ELMOD2: variants seen among roughly 807,000 people sequenced by gnomAD.
ELMOD2 encodes the protein ELMO domain containing 2.
In ELMOD2, 28 loss-of-function variants were observed where a neutral mutation model predicts 41.0. The observed-to-expected ratio is 0.68, with a 90% CI of 0.51 to 0.94. The LOEUF (loss-of-function observed/expected upper bound fraction) is 0.94. Among genes scored for constraint, ELMOD2 ranks in the 40% least tolerant of loss-of-function variants. The probability of loss-of-function intolerance (pLI) is 0.00; values close to 1 mark genes in which losing one functional copy is unlikely to be tolerated. For synonymous variants in ELMOD2, 106 were observed against 107.2 expected (o/e 0.99, Z 0.07); for missense variants, 333 against 343.1 (o/e 0.97, Z 0.23).
chr4:140,525,431 GTTTA>G lies in ELMOD2; in HGVS notation c.7_10del (p.Ile3LeufsTer15), dbSNP rs773251277. 2.5e-6 allele frequency: 4 copies of G among 1,612,530 alleles called. No homozygotes were observed. The highest frequency in any genetic ancestry group is 3.4e-6 in the Non-Finnish European group (4 of 1,179,548). The stretch of plus-strand genomic sequence containing the variant: ...TTTCCCTCCTCCAGGAAAAAAAAAT[GTTTA>G]TTTCTTTGTGGGAGTTCTTCTATGG... On this transcript the variant is annotated frameshift_variant, in exon 2 of 9. Coordinates refer to ENST00000323570, the MANE Select transcript of ELMOD2 (RefSeq NM_153702.4). LOFTEE classifies it high-confidence loss of function.
At chr4:140,545,450 C>T (rs1735244642) in intron 8 of ELMOD2, among the ~76,000 whole-genome samples, 1 of 152,166 alleles carries the variant, frequency 6.6e-6, no homozygotes, top group Non-Finnish European at 1.5e-5. Context: ...AAATGTATAT[C>T]TTCAGCCCAA....
intron 8 of ELMOD2, among the ~76,000 whole-genome samples, chr4:140,544,782 C>T (rs920821617): frequency 2.0e-5 from 3 of 152,172 alleles, no homozygotes; most frequent in African/African-American, 7.2e-5. Context: ...ACTGTTCCAG[C>T]TCCCTCTGTT....
chr4:140,524,545 G>C, intron 1 of ELMOD2: 1 of 966,018 alleles, frequency 1.0e-6, no homozygotes, highest in Non-Finnish European at 1.2e-6. Context: ...AATGAGCGCG[G>C]ACTAGATGGC....
chr4:140,541,057 A>G (rs896686035), intron 6 of ELMOD2, among the ~76,000 whole-genome samples: 4 of 152,214 alleles, frequency 2.6e-5, no homozygotes, highest in African/African-American at 7.2e-5. Flanking sequence ...ATCTTCTTTA[A>G]TACTTACGAT....
intron 8 of ELMOD2, among the ~76,000 whole-genome samples, chr4:140,545,514 G>T (rs184014486): frequency 1.3e-5 from 2 of 152,210 alleles, no homozygotes; most frequent in Admixed American, 1.3e-4. Context: ...TCCCTTAATG[G>T]ATAAGGATAA....
Position 140,542,573 on chromosome 4 carries a change from G to T in ELMOD2, c.534-1G>T. 1 of 1,595,950 alleles carries T rather than the reference G, an allele frequency of 6.3e-7. No homozygotes were observed. Among genetic ancestry groups the T allele is most frequent in the Non-Finnish European group, 8.5e-7 (1 of 1,169,896 alleles). On this transcript the variant is annotated splice_acceptor_variant, in intron 6 of 8. Coordinates refer to ENST00000323570, the MANE Select transcript of ELMOD2 (RefSeq NM_153702.4). LOFTEE classifies it high-confidence loss of function. ...TTGATTATTTTTCTTAAACTTTTTA[G>T]GTATTTCAGTGAAAATTACACTAGT...
Position 140,552,466 on chromosome 4 carries a change from T to C in ELMOD2, c.*2091T>C, listed in dbSNP as rs935285771. 4 of 152,104 alleles carry C rather than the reference T, an allele frequency of 2.6e-5. No individual in the cohort carries two copies. The highest frequency in any genetic ancestry group is 9.7e-5 in the African/African-American group (4 of 41,450). The allele number at this position is 152,104 out of a possible 1,614,324, so 9.4% of individuals were successfully genotyped here. On this transcript the variant is annotated 3_prime_UTR_variant, in exon 9 of 9. Transcript: ENST00000323570. ...AGCAAATTGATCTAAAAGCCACTAA[T>C]AAATTCTAGGGTTTGAGTCTAGAAG...
intron 8 of ELMOD2, among the ~76,000 whole-genome samples, chr4:140,546,133 A>G (rs1047043839): frequency 1.3e-5 from 2 of 152,208 alleles, no homozygotes; most frequent in Non-Finnish European, 2.9e-5. Flanking sequence ...TGGCACATAT[A>G]CACCATGGAA....
chr4:140,529,112 G>A (rs1393815995), intron 3 of ELMOD2, among the ~76,000 whole-genome samples: 1 of 152,070 alleles, frequency 6.6e-6, no homozygotes, highest in Admixed American at 6.5e-5. Context: ...AGATTATTGG[G>A]CCCCATCCCC....
intron 4 of ELMOD2, among the ~76,000 whole-genome samples, chr4:140,536,381 G>T (rs1193057816): frequency 2.0e-5 from 3 of 152,136 alleles, no homozygotes; most frequent in Non-Finnish European, 4.4e-5. Flanking sequence ...TTTTCTATGT[G>T]AATATAGAGG....
At position 140,537,557 on chromosome 4, in the gene ELMOD2, C is replaced by T; in HGVS notation, c.399+16C>T. The T allele has an allele frequency of 6.3e-7, 1 of 1,597,382 alleles. No homozygotes were observed. Among genetic ancestry groups the T allele is most frequent in the Admixed American group, 1.7e-5 (1 of 57,260 alleles). On this transcript the variant is annotated intron_variant, in intron 5 of 8. Transcript: ENST00000323570. ...ACTCATGAAGGTAAATTTCTGTTTT[C>T]TTTATGTGGAGTTGTTGAACGCTAG...
chr4:140,545,939 G>A lies in ELMOD2; in HGVS notation c.736+2353G>A, dbSNP rs542333330. ...GGAAGACAGTGTGGTGATTCCTCAG[G>A]GATCTAGAACTAGAAATACCACTTG... On this transcript the variant is annotated intron_variant, in intron 8 of 8. Coordinates refer to ENST00000323570, the MANE Select transcript of ELMOD2 (RefSeq NM_153702.4). Among the ~76,000 whole-genome samples, 3 of 152,176 alleles carry A rather than the reference G, an allele frequency of 2.0e-5. No individual in the cohort carries two copies. The South Asian group carries it at 6.2e-4, about 32-fold the overall frequency.
chr4:140,544,533 T>C (rs1013946292), intron 8 of ELMOD2, among the ~76,000 whole-genome samples: 15 of 152,106 alleles, frequency 9.9e-5, no homozygotes, highest in African/African-American at 3.6e-4. Flanking sequence ...TTATTTAAAA[T>C]GAAAATCTGA....
At chr4:140,533,827 C>CGTGTGT (rs143456040) in intron 3 of ELMOD2, among the ~76,000 whole-genome samples, 1 of 150,566 alleles carries the variant, frequency 6.6e-6, no homozygotes, top group Admixed American at 6.6e-5. Context: ...TGTATATATA[C>CGTGTGT]GTGTGTGTGT....
Position 140,551,504 on chromosome 4 carries a change from A to G in ELMOD2, c.*1129A>G, listed in dbSNP as rs1735470049. 1 of 152,104 alleles carries G rather than the reference A, an allele frequency of 6.6e-6. No homozygotes were observed. Among genetic ancestry groups the G allele is most frequent in the Non-Finnish European group, 1.5e-5 (1 of 67,946 alleles). The allele number at this position is 152,104 out of a possible 1,614,324, so 9.4% of individuals were successfully genotyped here. A position where few individuals can be genotyped will look rare whatever the true frequency, so the allele number is the denominator to read the frequency against. ...CTCCTAAAATCTCAGGAGGGCAGCA[A>G]GTGCTGTCAACGATTATATAGTGAT... On this transcript the variant is annotated 3_prime_UTR_variant, in exon 9 of 9. Transcript: ENST00000323570.
rs544154459 is a variant in ELMOD2, at chr4:140,529,053, CCTTAAA to C, written c.171+1565_171+1570del. Reference sequence around the variant, plus strand: ...ATTTCAGGTCCATTACAAGAGTAGTCCTTAAACTTAAGGAAGAATCAAAATCTTCTG... The same window carrying C: ...ATTTCAGGTCCATTACAAGAGTAGTCCTTAAGGAAGAATCAAAATCTTCTG... On this transcript the variant is annotated intron_variant, in intron 3 of 8. Coordinates refer to ENST00000323570, the MANE Select transcript of ELMOD2 (RefSeq NM_153702.4). 8.5e-5 allele frequency among the ~76,000 whole-genome samples: 13 copies of C among 152,258 alleles called. 1 individual carries two copies. The South Asian group carries it at 2.3e-3, about 27-fold the overall frequency.
chr4:140,551,762 A>G lies in ELMOD2; in HGVS notation c.*1387A>G, dbSNP rs997413176. ...GTGATAGAGCAAGACCTGAGACTTT[A>G]TAAGTATTTGCTCGTGTCTGTTGAC... On this transcript the variant is annotated 3_prime_UTR_variant, in exon 9 of 9. Transcript: ENST00000323570. 9 of 152,190 alleles carry G rather than the reference A, an allele frequency of 5.9e-5. No individual in the cohort carries two copies. The South Asian group carries it at 8.3e-4, about 14-fold the overall frequency. The allele number at this position is 152,190 out of a possible 1,614,324, so 9.4% of individuals were successfully genotyped here. A position where few individuals can be genotyped will look rare whatever the true frequency, so the allele number is the denominator to read the frequency against.
chr4:140,549,168 G>T lies in ELMOD2; in HGVS notation c.737-1062G>T, dbSNP rs1735386712. On this transcript the variant is annotated intron_variant, in intron 8 of 8. Transcript: ENST00000323570. Reference sequence around the variant, plus strand: ...TGCAGTTTTTACTCATTTTGGTCTGGTTTCTTTCTGCATAATTTGTTGTGT... The same window carrying T: ...TGCAGTTTTTACTCATTTTGGTCTGTTTTCTTTCTGCATAATTTGTTGTGT... Among the ~76,000 whole-genome samples, 3 of 151,948 alleles carry T rather than the reference G, an allele frequency of 2.0e-5. No individual in the cohort carries two copies. In the South Asian group the frequency reaches 6.2e-4, roughly 31 times the overall value.
Position 140,543,491 on chromosome 4 carries a change from T to C in ELMOD2, c.641T>C (p.Met214Thr). The C allele has an allele frequency of 6.2e-7, 1 of 1,604,654 alleles. No homozygotes were observed. Among genetic ancestry groups the C allele is most frequent in the South Asian group, 1.1e-5 (1 of 88,946 alleles). ...YAIVGINLTE[M>T]AYSLLKSEAL... ...ATAGTTGGAATCAATCTTACAGAGATGGCTTATAGCTTACTGAAGAGTGAA... is the reference window on the plus strand; with the variant it reads ...ATAGTTGGAATCAATCTTACAGAGACGGCTTATAGCTTACTGAAGAGTGAA... The change falls in exon 8 of 9, where the codon ATG becomes ACG. Residue 214 changes from methionine to threonine, a missense_variant. By Grantham distance (81) the Met-to-Thr change is moderately conservative. Coordinates refer to ENST00000323570, the MANE Select transcript of ELMOD2 (RefSeq NM_153702.4).
Sources: gnomAD v4.1 joint callset for allele counts (sites outside exome capture counted in the v4.1 genomes callset) on GRCh38, gnomAD v4.1.1 for gene constraint, MANE v1.5 for transcripts, NCBI Gene and HGNC (gene_info 2026-07-23, HGNC 2026-07-21) for gene names.